Variants in COL5A1 observed in about 807,000 individuals in gnomAD.
COL5A1 encodes collagen type V alpha 1 chain.
COL5A1 carries 16 observed loss-of-function variants against 263.7 expected under a neutral mutation model. The ratio of observed to expected loss-of-function variants is 0.06; its 90% CI spans 0.04 to 0.09. The LOEUF is 0.09. Ranked by LOEUF, COL5A1 falls within the 10% of genes least tolerant of loss-of-function variation. COL5A1 has a pLI of 1.00. For missense variants in COL5A1, 2,036 were observed against 2,540.5 expected (o/e 0.80, Z 4.27); for synonymous variants, 1,012 against 1,004.5 (o/e 1.01, Z -0.14).
rs138614069 is a variant in COL5A1, at chr9:134,671,803, T to C, written c.110-19109T>C. Among the ~76,000 whole-genome samples the C allele has an allele frequency of 2.9e-3, 442 of 152,384 alleles. 2 individuals are homozygous for C. Among genetic ancestry groups the C allele is most frequent in the African/African-American group, 0.01 (421 of 41,586 alleles). On this transcript the variant is annotated intron_variant, in intron 1 of 65. Coordinates refer to ENST00000371817, the MANE Select transcript of COL5A1 (RefSeq NM_000093.5). ...ATCTCCCGGGGCCAATTTCCTTGTA[T>C]TTCTAAATCTGCCCGTTGTAATGAA...
chr9:134,839,696 A>G (rs1040946131), intron 65 of COL5A1, among the ~76,000 whole-genome samples: 2 of 152,164 alleles, frequency 1.3e-5, no homozygotes, highest in African/African-American at 4.8e-5. Flanking sequence ...GCCGGAGGAG[A>G]GGCAGGCAGG....
chr9:134,645,237 T>G (rs1831438521), intron 1 of COL5A1, among the ~76,000 whole-genome samples: 1 of 152,212 alleles, frequency 6.6e-6, no homozygotes, highest in Admixed American at 6.5e-5. Flanking sequence ...CACCCCGCCC[T>G]GCAGATATTT....
Position 134,757,374 on chromosome 9 carries a change from C to G in COL5A1, c.1881+556C>G, listed in dbSNP as rs972158127. 1.3e-5 allele frequency among the ~76,000 whole-genome samples: 2 copies of G among 152,146 alleles called. No homozygotes were observed. The highest frequency in any genetic ancestry group is 4.8e-5 in the African/African-American group (2 of 41,416). ...CCCCGGTCTTGGCTCACCCCTCCTC[C>G]TCGCCTCTTGGAAGCATTTGTCCCA... On this transcript the variant is annotated intron_variant, in intron 17 of 65. Coordinates refer to ENST00000371817, the MANE Select transcript of COL5A1 (RefSeq NM_000093.5). This position sits in a 1 kb window ranked among gnomAD's most constrained non-coding sequence, Gnocchi z 6.2.
At position 134,700,330 on chromosome 9, in the gene COL5A1, T is replaced by A. The variant is rs7857638; in HGVS notation, c.491+208T>A. 0.031 allele frequency among the ~76,000 whole-genome samples: 4,722 copies of A among 151,944 alleles called. 251 individuals carry two copies. The highest frequency in any genetic ancestry group is 0.11 in the African/African-American group (4,463 of 41,420). On this transcript the variant is annotated intron_variant, in intron 3 of 65. Transcript: ENST00000371817. This position sits in a 1 kb window ranked among gnomAD's most constrained non-coding sequence, Gnocchi z 4.0. ...ATTCATCCTCTGTGGCTCTGGGGAG[T>A]CACTTCTCCTCCCTGGCCCTCCATT...
intron 39 of COL5A1, 90 bp from the exon 40 acceptor site, chr9:134,804,885 A>G (rs1838240401): frequency 2.7e-6 from 3 of 1,125,050 alleles, no homozygotes; most frequent in Non-Finnish European, 4.0e-6. Flanking sequence ...GCTCCAAGAG[A>G]GAAGGCCCCA....
chr9:134,670,124 A>G (rs535991671), intron 1 of COL5A1, among the ~76,000 whole-genome samples: 2 of 152,218 alleles, frequency 1.3e-5, no homozygotes, highest in African/African-American at 2.4e-5. Flanking sequence ...AAATATCTCA[A>G]CGGCTGCTGA....
At chr9:134,648,953 C>T (rs1005162935) in intron 1 of COL5A1, among the ~76,000 whole-genome samples, 6 of 152,160 alleles carry the variant, frequency 3.9e-5, no homozygotes, top group Admixed American at 1.3e-4. Flanking sequence ...TTACAAGGAA[C>T]GGAGGTCCAG....
In COL5A1 at chr9:134,822,119, C is replaced by T. The variant is rs863223459; in HGVS notation, c.4577C>T (p.Pro1526Leu). 2.1e-5 allele frequency: 34 copies of T among 1,607,010 alleles called. No individual in the cohort carries two copies. Among genetic ancestry groups the T allele is most frequent in the African/African-American group, 4.0e-5 (3 of 74,834 alleles). Residue 1526 changes from proline (P) to leucine (L), a missense_variant, in exon 59 of 66, where the codon CCG becomes CTG. Physicochemically the swap from Pro to Leu is moderately conservative, Grantham distance 98 (BLOSUM62 -3). Around this residue, in one of 3 missense-constraint regions of COL5A1, gnomAD observed 1,078 missense variants for 1,521.4 expected, o/e 0.71. Coordinates refer to ENST00000371817, the MANE Select transcript of COL5A1 (RefSeq NM_000093.5). ...GEQGITGPSGPIGPPGPPGLP... is the reference protein window; with the variant it reads ...GEQGITGPSGLIGPPGPPGLP... The stretch of plus-strand genomic sequence containing the variant: ...CAGGGTATCACTGGTCCTTCTGGCC[C>T]GATTGGGCCTCCTGGGCCCCCTGGC...
rs1833662587 is a variant in COL5A1 at position 134,701,230 on chromosome 9, A to G, written c.551A>G (p.Lys184Arg). The change falls in exon 4 of 66, where the codon AAA becomes AGA. Residue 184 changes from lysine (K) to arginine (R), a missense_variant. By Grantham distance (26) the Lys-to-Arg change is conservative (BLOSUM62 2). Around this residue, in one of 3 missense-constraint regions of COL5A1, gnomAD observed 600 missense variants for 634.5 expected, o/e 0.95. Coordinates refer to ENST00000371817, the MANE Select transcript of COL5A1 (RefSeq NM_000093.5). ...AATGTCACCTTGATCCTCGACTGTAAAAAGAAGACCACCAAATTCCTCGAC... is the reference window on the plus strand; with the variant it reads ...AATGTCACCTTGATCCTCGACTGTAGAAAGAAGACCACCAAATTCCTCGAC... ...KKNVTLILDCKKKTTKFLDRS... is the reference protein window; with the variant it reads ...KKNVTLILDCRKKTTKFLDRS... 1 of 1,613,826 alleles carries G rather than the reference A, an allele frequency of 6.2e-7. No individual in the cohort carries two copies. The highest frequency in any genetic ancestry group is 8.5e-7 in the Non-Finnish European group (1 of 1,180,024).
intron 41 of COL5A1, 113 bp downstream of exon 41, chr9:134,805,327 G>A (rs1838257345): frequency 2.4e-6 from 3 of 1,259,222 alleles, no homozygotes; most frequent in Non-Finnish European, 3.5e-6. Context: ...GAGGAGCCTG[G>A]GGAGGATGTG....
chr9:134,756,961 A>C (rs550434389), intron 17 of COL5A1, 143 bp downstream of exon 17: 13 of 832,704 alleles, frequency 1.6e-5, no homozygotes, highest in Non-Finnish European at 2.0e-5. Context: ...ACGTGAAGAT[A>C]GGGTTGGTGG....
rs1837405556 is a variant in COL5A1, at chr9:134,785,039, A to G, written c.2535A>G (p.Pro845=). The G allele has an allele frequency of 1.9e-6, 3 of 1,613,298 alleles. No homozygotes were observed. In the Admixed American group the frequency reaches 5.0e-5, roughly 27 times the overall value. Residue 845 remains proline, a synonymous_variant, in exon 30 of 66, where the codon CCA becomes CCG. Transcript: ENST00000371817. ...GPRGEDGPEG[P]KGRGGPNGDP... is the part of the protein sequence containing the mutation. The stretch of plus-strand genomic sequence containing the variant: ...GGGGAGAAGATGGCCCTGAAGGCCC[A>G]AAGGGTCGCGGAGGTCCCAATGGTG...
chr9:134,771,149 G>A lies in COL5A1; in HGVS notation c.2287-1641G>A, dbSNP rs186992324. Among the ~76,000 whole-genome samples the A allele has an allele frequency of 7.0e-3, 1,063 of 152,368 alleles. 7 individuals are homozygous for A. The highest frequency in any genetic ancestry group is 7.6e-3 in the Non-Finnish European group (514 of 68,042). ...ACTGAGGAAATGACCACGTGGAGAG[G>A]CCTGGGGGCTTCCTCGAGCAGCCGG... On this transcript the variant is annotated intron_variant, in intron 25 of 65. Coordinates refer to ENST00000371817, the MANE Select transcript of COL5A1 (RefSeq NM_000093.5).
At chr9:134,826,987 T>C (rs1839309116) in intron 63 of COL5A1, among the ~76,000 whole-genome samples, 2 of 152,194 alleles carry the variant, frequency 1.3e-5, no homozygotes, top group Non-Finnish European at 2.9e-5. Context: ...AGTCTCCCTG[T>C]TGCTCCTGGA....
chr9:134,805,372 G>A (rs562135447), intron 41 of COL5A1, among the ~76,000 whole-genome samples, 158 bp downstream of exon 41: 1 of 152,268 alleles, frequency 6.6e-6, no homozygotes, highest in South Asian at 2.1e-4. Flanking sequence ...AGATGCGGAC[G>A]GCGCATCCCA....
intron 42 of COL5A1, among the ~76,000 whole-genome samples, chr9:134,808,071 C>T (rs1386495145): frequency 6.6e-6 from 1 of 152,212 alleles, no homozygotes; most frequent in Non-Finnish European, 1.5e-5. Context: ...TCTTTGCATT[C>T]TCTGGCTTAA....
chr9:134,753,747 A>G, intron 14 of COL5A1, 103 bp from the exon 15 acceptor site: 1 of 712,094 alleles, frequency 1.4e-6, no homozygotes. Context: ...CCGTGGCCGA[A>G]GCCCTGTCCC....
chr9:134,661,367 A>G lies in COL5A1; in HGVS notation c.109+19071A>G, dbSNP rs565273628. 9.9e-5 allele frequency among the ~76,000 whole-genome samples: 15 copies of G among 151,628 alleles called. No individual in the cohort carries two copies. The East Asian group carries it at 1.2e-3, about 12-fold the overall frequency. ...CCCCAGATCTTTCAAGGGGTCCCCA[A>G]GCAGATGACCAGTTTGCAGCAGGGC... On this transcript the variant is annotated intron_variant, in intron 1 of 65. Transcript: ENST00000371817.
rs576901679 is a variant in COL5A1 at position 134,842,378 on chromosome 9, C to T, written c.*75C>T. On this transcript the variant is annotated 3_prime_UTR_variant, in exon 66 of 66. Transcript: ENST00000371817. This position sits in a 1 kb window ranked among gnomAD's most constrained non-coding sequence, Gnocchi z 5.8. ...CATTCGTTCGTGAGTGTCCCGTGCA[C>T]GTCCTGACCCTGGACAGTGAAGGCT... 1.0e-4 allele frequency: 157 copies of T among 1,560,488 alleles called. 1 individual carries two copies. The highest frequency in any genetic ancestry group is 2.0e-4 in the Middle Eastern group (1 of 4,880).
Sources: gnomAD v4.1 joint callset for allele counts (sites outside exome capture counted in the v4.1 genomes callset) on GRCh38, gnomAD v4.1.1 for gene constraint, gnomAD v4.1.1 regional missense constraint, Gnocchi (gnomAD v3.1) non-coding constraint, MANE v1.5 for transcripts, NCBI Gene and HGNC (gene_info 2026-07-23, HGNC 2026-07-21) for gene names.